ANKRD52: variants seen among roughly 807,000 people sequenced by gnomAD.
The protein encoded by ANKRD52 is ankyrin repeat domain 52.
ANKRD52 carries 7 observed loss-of-function variants against 116.0 expected under a neutral mutation model. The ratio of observed to expected loss-of-function variants is 0.06; its 90% CI spans 0.03 to 0.11. The LOEUF (loss-of-function observed/expected upper bound fraction) is 0.11, where lower values mean the gene tolerates loss of function less well. ANKRD52 is among the 10% of genes least tolerant of loss of function. ANKRD52 has a pLI of 1.00. For missense variants in ANKRD52, 839 were observed against 1,408.6 expected (o/e 0.60, Z 6.47); for synonymous variants, 528 against 578.1 (o/e 0.91, Z 1.24).
At position 56,244,524 on chromosome 12, in the gene ANKRD52, G is replaced by A. The variant is rs1047578507; in HGVS notation, c.2723-89C>T. 1.3e-6 allele frequency: 2 copies of A among 1,594,480 alleles called. No individual in the cohort carries two copies. The highest frequency in any genetic ancestry group is 8.6e-7 in the Non-Finnish European group (1 of 1,167,006). On this transcript the variant is annotated intron_variant, in intron 24 of 27. Transcript: ENST00000267116. The surrounding 1 kb of genome is among the most constrained non-coding windows in gnomAD (Gnocchi z 4.9). ...CCACTTTGCATCCCGTCTGCAGATG[G>A]CGAGACATCCAAAGACAACCCTCTT...
At chr12:56,257,684 G>T in intron 2 of ANKRD52, 144 bp downstream of exon 2, 2 of 809,982 alleles carry the variant, frequency 2.5e-6, no homozygotes, top group Non-Finnish European at 4.0e-6. Flanking sequence ...ATCCCCAAAT[G>T]CAGAGTAGGC....
At chr12:56,257,744 ACGGAG>A in intron 2 of ANKRD52, 79 bp downstream of exon 2, 1 of 1,365,854 alleles carries the variant, frequency 7.3e-7, no homozygotes. Flanking sequence ...CAGAGGAGAC[ACGGAG>A]CCGCCCCACC....
chr12:56,247,642 C>A (rs149549604), intron 19 of ANKRD52, 32 bp from the exon 20 acceptor site: 12 of 1,592,498 alleles, frequency 7.5e-6, no homozygotes, highest in Middle Eastern at 3.3e-4. Context: ...AGTGAGGATC[C>A]CGCAAGGACT....
Position 56,253,022 on chromosome 12 carries a change from G to A in ANKRD52, c.1165C>T (p.Arg389Cys). ...AVLFGFSDCC[R>C]KLLSSGQLYS... ...CACATACCTGAGGAAAGAAGCTTAC[G>A]ACAACAGTCAGAGAATCCAAAGAGA... The change falls in exon 11 of 28, where the codon CGT (arginine) becomes TGT (cysteine). Residue 389 changes from arginine to cysteine, a missense_variant. Around this residue, in one of 2 missense-constraint regions of ANKRD52, gnomAD observed 287 missense variants for 598.1 expected, o/e 0.48. Transcript: ENST00000267116. This position sits in a 1 kb window ranked among gnomAD's most constrained non-coding sequence, Gnocchi z 5.5. 1 of 1,586,648 alleles carries A rather than the reference G, an allele frequency of 6.3e-7. No homozygotes were observed. Among genetic ancestry groups the A allele is most frequent in the Non-Finnish European group, 8.6e-7 (1 of 1,166,636 alleles).
Position 56,243,366 on chromosome 12 carries a change from G to A in ANKRD52, c.3007C>T (p.Pro1003Ser), listed in dbSNP as rs1871252066. 1.2e-6 allele frequency: 2 copies of A among 1,613,782 alleles called. No homozygotes were observed. Among genetic ancestry groups the A allele is most frequent in the East Asian group, 2.2e-5 (1 of 44,882 alleles). The change falls in exon 28 of 28, where the codon CCC (proline) becomes TCC (serine). Residue 1003 changes from proline (P) to serine (S), a missense_variant. Pro to Ser is a moderately conservative substitution (Grantham distance 74, BLOSUM62 -1). This residue lies in a region of ANKRD52 where 552 missense variants were observed against 810.6 expected (regional missense o/e 0.68). Coordinates refer to ENST00000267116, the MANE Select transcript of ANKRD52 (RefSeq NM_173595.4). The surrounding 1 kb of genome is among the most constrained non-coding windows in gnomAD (Gnocchi z 4.6). ...AGGCAGTCTGCCACATCTTTGTTGG[G>A]GGCACAGGCCAGTGCTGGGGTGTGA... ...EGHTPALACA[P>S]NKDVADCLAL...
Position 56,253,909 on chromosome 12 carries a change from T to C in ANKRD52, c.907-109A>G. On this transcript the variant is annotated intron_variant, in intron 8 of 27. Transcript: ENST00000267116. The surrounding 1 kb of genome is among the most constrained non-coding windows in gnomAD (Gnocchi z 5.5). Reference sequence around the variant, plus strand: ...TATCTCTAAGGACAAAAGGGTCATATGGCACCTTCTTAGCCCACTCTTTCC... The same window carrying C: ...TATCTCTAAGGACAAAAGGGTCATACGGCACCTTCTTAGCCCACTCTTTCC... 2 of 1,368,612 alleles carry C rather than the reference T, an allele frequency of 1.5e-6. No individual in the cohort carries two copies. The allele number at this position is 1,368,612 out of a possible 1,614,324, so 84.8% of individuals were successfully genotyped here. A position where few individuals can be genotyped will look rare whatever the true frequency, so the allele number is the denominator to read the frequency against.
chr12:56,245,030 G>A, intron 22 of ANKRD52, 41 bp from the exon 23 acceptor site: 1 of 1,611,978 alleles, frequency 6.2e-7, no homozygotes, highest in Non-Finnish European at 8.5e-7. Context: ...AAGGACAAGG[G>A]AAGTAGACTA....
In ANKRD52 at chr12:56,250,434, A is replaced by G. The variant is rs1830574486; in HGVS notation, c.1593-1564T>C. Among the ~76,000 whole-genome samples, 5 of 150,396 alleles carry G rather than the reference A, an allele frequency of 3.3e-5. No individual in the cohort carries two copies. The South Asian group carries it at 1.0e-3, about 31-fold the overall frequency. On this transcript the variant is annotated intron_variant, in intron 15 of 27. Transcript: ENST00000267116. ...AGGCTGGGGTGCAGTGGCTATTCAT[A>G]GGCATGATCATAGTGCACTACAGCC...
chr12:56,245,106 G>A lies in ANKRD52; in HGVS notation c.2489C>T (p.Ala830Val), dbSNP rs780399864. 6.2e-7 allele frequency: 1 copy of A among 1,614,010 alleles called. No homozygotes were observed. Among genetic ancestry groups the A allele is most frequent in the Non-Finnish European group, 8.5e-7 (1 of 1,179,878 alleles). ...TGATGCAGCAGAAGGGACTTACACT[G>A]CACAGTGCAAAGGAGTGAAGGGGTT... ...EGNPFTPLHC[A>V]VINNQDSTTE... is the part of the protein sequence containing the mutation. Residue 830 changes from alanine to valine, a missense_variant, in exon 22 of 28, where the codon GCA becomes GTA. Physicochemically the swap from Ala to Val is moderately conservative, Grantham distance 64 (BLOSUM62 0). This residue lies in a region of ANKRD52 where 552 missense variants were observed against 810.6 expected (regional missense o/e 0.68). Transcript: ENST00000267116.
At chr12:56,258,019 G>T in intron 1 of ANKRD52, 108 bp from the exon 2 acceptor site, 1 of 1,308,942 alleles carries the variant, frequency 7.6e-7, no homozygotes, top group South Asian at 1.3e-5. Context: ...TCCGTGGAGG[G>T]GCTCCACTCT....
chr12:56,245,405 G>A lies in ANKRD52; in HGVS notation c.2376C>T (p.Tyr792=), dbSNP rs776677334. 6.2e-7 allele frequency: 1 copy of A among 1,612,584 alleles called. No homozygotes were observed. Among genetic ancestry groups the A allele is most frequent in the Admixed American group, 1.7e-5 (1 of 59,752 alleles). The change falls in exon 21 of 28, where the codon TAC becomes TAT. Residue 792 remains tyrosine, a synonymous_variant. Transcript: ENST00000267116. Reference sequence around the variant, plus strand: ...TGTAGGAGGCCCAGTGCATGGGCGAGTATCCGCTGTAATCCACCCCGGCAT... The same window carrying A: ...TGTAGGAGGCCCAGTGCATGGGCGAATATCCGCTGTAATCCACCCCGGCAT... The part of the protein sequence containing the change: ...PLDAGVDYSG[Y]SPMHWASYTG...
rs750963144 is a variant in ANKRD52, at chr12:56,254,800, C to G, written c.550+65G>C. On this transcript the variant is annotated intron_variant, in intron 6 of 27. Coordinates refer to ENST00000267116, the MANE Select transcript of ANKRD52 (RefSeq NM_173595.4). This position sits in a 1 kb window ranked among gnomAD's most constrained non-coding sequence, Gnocchi z 4.6. ...CACTCCTCTCTTCAAAGGCTGCAAC[C>G]CCACATCCCTGCCCTAGGAATCCTA... 169 of 1,600,878 alleles carry G rather than the reference C, an allele frequency of 1.1e-4. No homozygotes were observed. Among genetic ancestry groups the G allele is most frequent in the Non-Finnish European group, 1.3e-4 (153 of 1,168,806 alleles).
In ANKRD52 at chr12:56,247,716, G is replaced by A. The variant is rs774927402; in HGVS notation, c.2037C>T (p.Asp679=). 1.2e-6 allele frequency: 2 copies of A among 1,612,282 alleles called. No individual in the cohort carries two copies. The highest frequency in any genetic ancestry group is 2.7e-5 in the African/African-American group (2 of 74,902). Residue 679 remains aspartate, a synonymous_variant, in exon 19 of 28, where the codon GAC becomes GAT. Coordinates refer to ENST00000267116, the MANE Select transcript of ANKRD52 (RefSeq NM_173595.4). ...CATAGGCATCCATGACATCTGTGAT[G>A]TCAGCTCGTTCCCCACTGTCGATCA... ...HLLIDSGERA[D]ITDVMDAYGQ...
rs1456971035 is a variant in ANKRD52 at position 56,254,956 on chromosome 12, C to T, written c.463-4G>A. On this transcript the variant is annotated splice_polypyrimidine_tract_variant and splice_region_variant and intron_variant, in intron 5 of 27. Coordinates refer to ENST00000267116, the MANE Select transcript of ANKRD52 (RefSeq NM_173595.4). The surrounding 1 kb of genome is among the most constrained non-coding windows in gnomAD (Gnocchi z 4.6). ...TGTTGAGGAGCAGGTTCACCGTCTG[C>T]ATCAGGATATGAAAGACACCTGTTC... 2 of 1,611,466 alleles carry T rather than the reference C, an allele frequency of 1.2e-6. No individual in the cohort carries two copies. The highest frequency in any genetic ancestry group is 1.7e-5 in the Admixed American group (1 of 59,954).
In ANKRD52 at chr12:56,254,132, C is replaced by G; in HGVS notation, c.841G>C (p.Val281Leu). 1 of 1,613,822 alleles carries G rather than the reference C, an allele frequency of 6.2e-7. No individual in the cohort carries two copies. Among genetic ancestry groups the G allele is most frequent in the Non-Finnish European group, 8.5e-7 (1 of 1,179,836 alleles). ...KGFTPLHVAA[V>L]STNGALCLEL... ...AAGCAGAGAGCGCCATTGGTGGAGA[C>G]TGCAGCCACATGCAGTGGCGTGAAG... is the stretch of plus-strand genomic sequence containing the variant. The change falls in exon 8 of 28, where the codon GTC (valine) becomes CTC (leucine). Residue 281 changes from valine to leucine, a missense_variant. By Grantham distance (32) the Val-to-Leu change is conservative. Transcript: ENST00000267116. This position sits in a 1 kb window ranked among gnomAD's most constrained non-coding sequence, Gnocchi z 4.6.
At position 56,252,357 on chromosome 12, in the gene ANKRD52, C is replaced by T. The variant is rs772502444; in HGVS notation, c.1371-42G>A. On this transcript the variant is annotated intron_variant, in intron 13 of 27. Coordinates refer to ENST00000267116, the MANE Select transcript of ANKRD52 (RefSeq NM_173595.4). This position sits in a 1 kb window ranked among gnomAD's most constrained non-coding sequence, Gnocchi z 4.7. ...GGAGGGTGGGGAAGAGAATCAGAGA[C>T]AGATACGAATGCAATCAGATGTGCA... is the stretch of plus-strand genomic sequence containing the variant. The T allele has an allele frequency of 1.2e-6, 2 of 1,610,514 alleles. No individual in the cohort carries two copies. The highest frequency in any genetic ancestry group is 2.7e-5 in the African/African-American group (2 of 74,858).
Position 56,253,391 on chromosome 12 carries a change from C to T in ANKRD52, c.997G>A (p.Asp333Asn). ...GTGTTCCCAAATTTGTCGGCACAATCAATCTCGCTGCCTGTGAGGGGATGC... is the reference window on the plus strand; with the variant it reads ...GTGTTCCCAAATTTGTCGGCACAATTAATCTCGCTGCCTGTGAGGGGATGC... ...QILIQNGSEI[D>N]CADKFGNTPL... Residue 333 changes from aspartate to asparagine, a missense_variant, in exon 10 of 28, where the codon GAT (aspartate) becomes AAT (asparagine). By Grantham distance (23) the Asp-to-Asn change is conservative (BLOSUM62 1). Coordinates refer to ENST00000267116, the MANE Select transcript of ANKRD52 (RefSeq NM_173595.4). This position sits in a 1 kb window ranked among gnomAD's most constrained non-coding sequence, Gnocchi z 5.5. 1 of 1,613,516 alleles carries T rather than the reference C, an allele frequency of 6.2e-7. No homozygotes were observed. Among genetic ancestry groups the T allele is most frequent in the Non-Finnish European group, 8.5e-7 (1 of 1,179,584 alleles).
chr12:56,256,707 TCA>T (rs1195194273), intron 4 of ANKRD52, among the ~76,000 whole-genome samples: 11 of 152,172 alleles, frequency 7.2e-5, no homozygotes, highest in Admixed American at 6.5e-4. Flanking sequence ...AAAAGAAATC[TCA>T]GTGCCCAGAG....
Position 56,244,804 on chromosome 12 carries a change from G to C in ANKRD52, c.2577-7C>G, listed in dbSNP as rs1459304918. 1 of 1,613,844 alleles carries C rather than the reference G, an allele frequency of 6.2e-7. No individual in the cohort carries two copies. The highest frequency in any genetic ancestry group is 1.7e-5 in the Admixed American group (1 of 60,018). ...AGCGGCGTGAAGGGGGGTCCTGTAA[G>C]GCAGGGATCAGGGTAGATTAAAATA... On this transcript the variant is annotated splice_region_variant and splice_polypyrimidine_tract_variant and intron_variant, in intron 23 of 27. Transcript: ENST00000267116. The surrounding 1 kb of genome is among the most constrained non-coding windows in gnomAD (Gnocchi z 4.9).
Sources: gnomAD v4.1 joint callset for allele counts (sites outside exome capture counted in the v4.1 genomes callset) on GRCh38, gnomAD v4.1.1 for gene constraint, gnomAD v4.1.1 regional missense constraint, Gnocchi (gnomAD v3.1) non-coding constraint, MANE v1.5 for transcripts, NCBI Gene and HGNC (gene_info 2026-07-23, HGNC 2026-07-21) for gene names.